Variants in PIWIL4 observed in about 807,000 individuals in gnomAD.
PIWIL4 encodes the protein piwi like RNA-mediated gene silencing 4, also known as piwi-like protein 4.
PIWIL4 carries 50 observed loss-of-function variants against 100.9 expected under a neutral mutation model. That is an observed-to-expected ratio of 0.50 (90% CI 0.39 to 0.63). The LOEUF is 0.63. Ranked by LOEUF, PIWIL4 falls within the 20% of genes least tolerant of loss-of-function variation. PIWIL4 has a pLI of 0.00. For synonymous variants in PIWIL4, 342 were observed against 367.5 expected, an observed-to-expected ratio of 0.93 and a Z score of 0.79; for missense variants, 887 against 1,043.3, an observed-to-expected ratio of 0.85 and a Z score of 2.06.
chr11:94,607,721 C>T, intron 14 of PIWIL4, 82 bp downstream of exon 14: 1 of 1,363,464 alleles, frequency 7.3e-7, no homozygotes, highest in Non-Finnish European at 1.0e-6. Flanking sequence ...ATCACATGAT[C>T]CCAGAATTAT....
At position 94,567,534 on chromosome 11, in the gene PIWIL4, C is replaced by T. The variant is rs762588697; in HGVS notation, c.16C>T (p.Arg6Ter). 8.7e-6 allele frequency: 14 copies of T among 1,600,854 alleles called. 1 individual carries two copies. The South Asian group carries it at 1.5e-4, about 17-fold the overall frequency. Residue 6 changes from arginine (R) to a stop codon, truncating the protein, a stop_gained, in exon 1 of 20, where the codon CGA becomes TGA. Transcript: ENST00000299001. LOFTEE classifies it high-confidence loss of function. MSGRA[R>*]VKARGIARSP... ...CACCGGGAACATGAGTGGAAGAGCC[C>T]GAGTGAAGGCCAGAGGCATCGCCCG...
chr11:94,602,348 A>C (rs748149527), intron 12 of PIWIL4, among the ~76,000 whole-genome samples: 4 of 152,210 alleles, frequency 2.6e-5, no homozygotes, highest in Non-Finnish European at 4.4e-5. Flanking sequence ...GGATATTAAA[A>C]AACAGAAGTT....
chr11:94,584,784 G>A (rs1013523732), intron 5 of PIWIL4, among the ~76,000 whole-genome samples: 3 of 152,136 alleles, frequency 2.0e-5, no homozygotes, highest in Admixed American at 1.3e-4. Context: ...TAAGATCCTC[G>A]GCTGGGCCGG....
At chr11:94,593,744 A>C (rs189117308) in intron 9 of PIWIL4, 103 bp downstream of exon 9, 53 of 1,332,616 alleles carry the variant, frequency 4.0e-5, no homozygotes, top group African/African-American at 2.1e-4. Context: ...CAGGACATCG[A>C]TTTAACCCAT....
chr11:94,596,424 G>A (rs1485533774), intron 10 of PIWIL4, among the ~76,000 whole-genome samples: 3 of 151,974 alleles, frequency 2.0e-5, no homozygotes, highest in African/African-American at 7.3e-5. Flanking sequence ...ATTAATATTA[G>A]TAATATTCTT....
At chr11:94,599,484 C>T (rs930719860) in intron 11 of PIWIL4, among the ~76,000 whole-genome samples, 15 of 152,224 alleles carry the variant, frequency 9.9e-5, no homozygotes, top group Non-Finnish European at 1.9e-4. Context: ...CTCCTCCCAG[C>T]CCCATAAGAC....
intron 4 of PIWIL4, among the ~76,000 whole-genome samples, chr11:94,578,364 A>G (rs1380366320): frequency 6.6e-6 from 1 of 152,212 alleles, no homozygotes; most frequent in Non-Finnish European, 1.5e-5. Context: ...TTAATTTTTT[A>G]GTCAGAATTG....
At chr11:94,595,172 C>T (rs970861522) in intron 9 of PIWIL4, 137 bp from the exon 10 acceptor site, 2 of 618,820 alleles carry the variant, frequency 3.2e-6, no homozygotes, top group Non-Finnish European at 5.5e-6. Context: ...CTTAAAATGA[C>T]ATACGTGGTT....
chr11:94,607,844 T>A (rs909488387), intron 14 of PIWIL4, among the ~76,000 whole-genome samples: 3 of 152,178 alleles, frequency 2.0e-5, no homozygotes, highest in African/African-American at 7.2e-5. Context: ...AGCTGCTAAC[T>A]CAGCATAGGG....
chr11:94,620,772 C>T, intron 19 of PIWIL4, 104 bp from the exon 20 acceptor site: 1 of 781,340 alleles, frequency 1.3e-6, no homozygotes, highest in South Asian at 1.9e-5. Context: ...ACCCAGAAGC[C>T]CATTCTATTA....
intron 2 of PIWIL4, among the ~76,000 whole-genome samples, chr11:94,570,205 C>T (rs1948131970): frequency 6.6e-6 from 1 of 152,142 alleles, no homozygotes; most frequent in Non-Finnish European, 1.5e-5. Context: ...TGGCATGCCC[C>T]ATGTGTTAGT....
At position 94,587,147 on chromosome 11, in the gene PIWIL4, A is replaced by T. The variant is rs1948412775; in HGVS notation, c.814A>T (p.Thr272Ser). The T allele has an allele frequency of 5.6e-6, 9 of 1,614,074 alleles. No homozygotes were observed. The East Asian group carries it at 2.0e-4, about 36-fold the overall frequency. The change falls in exon 7 of 20, where the codon ACG becomes TCG. Residue 272 changes from threonine to serine, a missense_variant. Thr to Ser is a moderately conservative substitution (Grantham distance 58). Coordinates refer to ENST00000299001, the MANE Select transcript of PIWIL4 (RefSeq NM_152431.3). ...DVSYKVLRNE[T>S]VLEFMTALCQ... is the part of the protein sequence containing the mutation. The stretch of plus-strand genomic sequence containing the variant: ...GAGTTACAAAGTCCTCCGGAATGAG[A>T]CGGTTCTGGAATTCATGACTGCTCT...
chr11:94,576,832 T>C (rs139896136), intron 3 of PIWIL4, among the ~76,000 whole-genome samples: 1 of 152,228 alleles, frequency 6.6e-6, no homozygotes, highest in Non-Finnish European at 1.5e-5. Flanking sequence ...TATGATTAAC[T>C]TTTGATTATC....
chr11:94,620,814 A>C, intron 19 of PIWIL4, 62 bp from the exon 20 acceptor site: 1 of 1,321,622 alleles, frequency 7.6e-7, no homozygotes, highest in South Asian at 1.2e-5. Flanking sequence ...GTAAAATCAG[A>C]AAAAATCTCT....
intron 17 of PIWIL4, among the ~76,000 whole-genome samples, chr11:94,619,102 C>T (rs1275156931): frequency 6.6e-6 from 1 of 152,132 alleles, no homozygotes; most frequent in Non-Finnish European, 1.5e-5. Flanking sequence ...ATATTGAAAA[C>T]GTTCGTGATA....
At chr11:94,617,455 A>G (rs1192014170) in intron 16 of PIWIL4, among the ~76,000 whole-genome samples, 1 of 152,148 alleles carries the variant, frequency 6.6e-6, no homozygotes, top group African/African-American at 2.4e-5. Context: ...AAATGTTTTC[A>G]GAGTTCATTC....
intron 6 of PIWIL4, among the ~76,000 whole-genome samples, chr11:94,586,507 T>C (rs1948400496): frequency 6.6e-6 from 1 of 152,230 alleles, no homozygotes; most frequent in Non-Finnish European, 1.5e-5. Flanking sequence ...TTTGTATTTT[T>C]TAATCTCGTC....
At chr11:94,574,725 G>A (rs75204119) in intron 2 of PIWIL4, among the ~76,000 whole-genome samples, 5,595 of 151,972 alleles carry the variant, frequency 0.037, 195 homozygotes, top group East Asian at 0.12. Flanking sequence ...CAAGCGATCC[G>A]CCCGCCATGA....
intron 2 of PIWIL4, among the ~76,000 whole-genome samples, chr11:94,572,960 T>C (rs2135236587): frequency 6.6e-6 from 1 of 152,326 alleles, no homozygotes; most frequent in East Asian, 1.9e-4. Context: ...CCTCTTTTAT[T>C]TCGTTGAGCA....
Sources: allele counts gnomAD v4.1 joint callset (sites outside exome capture counted in the v4.1 genomes callset), GRCh38; gene constraint gnomAD v4.1.1; transcripts MANE v1.5; gene names NCBI Gene and HGNC (gene_info 2026-07-23, HGNC 2026-07-21).